The following GCGR variants were observed in gnomAD, a reference collection of about 807,000 sequenced individuals.
GCGR encodes the protein glucagon receptor.
A neutral mutation model predicts 56.1 loss-of-function variants in GCGR; 41 were observed. The observed-to-expected ratio is 0.73, with a 90% CI of 0.57 to 0.95. The LOEUF is 0.95. Ranked by LOEUF, GCGR falls within the 40% of genes least tolerant of loss-of-function variation. GCGR has a pLI of 0.00. For synonymous variants in GCGR, 278 were observed against 271.1 expected (o/e 1.03, Z -0.25); for missense variants, 595 against 638.2 (o/e 0.93, Z 0.73).
rs910638796 is a variant in GCGR, at chr17:81,813,958, C to T, written c.*269C>T. 4.0e-5 allele frequency: 21 copies of T among 520,826 alleles called. No homozygotes were observed. The highest frequency in any genetic ancestry group is 2.8e-4 in the South Asian group (11 of 39,322). 32.3% of individuals were successfully genotyped at this position (520,826 alleles called of 1,614,324 possible). On this transcript the variant is annotated 3_prime_UTR_variant, in exon 14 of 14. Transcript: ENST00000400723. The surrounding 1 kb of genome is among the most constrained non-coding windows in gnomAD (Gnocchi z 5.3). ...GCCAGTGTCCCCACGTATGTCGGCA[C>T]GTCCCATGTGCATGGAAATGTCCTC...
In GCGR at chr17:81,810,950, G is replaced by C. The variant is rs2038080732; in HGVS notation, c.271+18G>C. On this transcript the variant is annotated intron_variant, in intron 4 of 13. Transcript: ENST00000400723. This position sits in a 1 kb window ranked among gnomAD's most constrained non-coding sequence, Gnocchi z 4.6. Reference sequence around the variant, plus strand: ...CCACAAAGGTACCCATAGAGGGGAGGAACTGTGGGGGGGGCGGGCCCAGGG... The same window carrying C: ...CCACAAAGGTACCCATAGAGGGGAGCAACTGTGGGGGGGGCGGGCCCAGGG... 3 of 1,241,874 alleles carry C rather than the reference G, an allele frequency of 2.4e-6. No homozygotes were observed. In the East Asian group the frequency reaches 1.0e-4, roughly 41 times the overall value. 76.9% of individuals were successfully genotyped at this position (1,241,874 alleles called of 1,614,324 possible). A position where few individuals can be genotyped will look rare whatever the true frequency, so the allele number is the denominator to read the frequency against.
In GCGR at chr17:81,812,462, C is replaced by T. The variant is rs1237117409; in HGVS notation, c.949-115C>T. ...CCACCAGCCCCAGGGCTATGTGGCC[C>T]AGGGCCTATCTTGCTGCCAGGCCCA... On this transcript the variant is annotated intron_variant, in intron 10 of 13. Transcript: ENST00000400723. The surrounding 1 kb of genome is among the most constrained non-coding windows in gnomAD (Gnocchi z 8.5). 8.9e-7 allele frequency: 1 copy of T among 1,128,680 alleles called. No individual in the cohort carries two copies. Among genetic ancestry groups the T allele is most frequent in the Non-Finnish European group, 1.3e-6 (1 of 796,680 alleles). 69.9% of individuals were successfully genotyped at this position (1,128,680 alleles called of 1,614,324 possible).
chr17:81,805,840 C>T (rs905560146), intron 1 of GCGR, among the ~76,000 whole-genome samples: 7 of 152,144 alleles, frequency 4.6e-5, no homozygotes, highest in African/African-American at 9.7e-5. Flanking sequence ...AAGGGTAATA[C>T]GGAGCACTGT....
rs920956305 is a variant in GCGR at position 81,804,692 on chromosome 17, A to C, written c.-178+443A>C. ...CTCCCCTCGGTGGGCTCCTGCCCCG[A>C]GGACTGCCCGGTGGCACCGGCGCGG... On this transcript the variant is annotated intron_variant, in intron 1 of 13. Transcript: ENST00000400723. This position sits in a 1 kb window ranked among gnomAD's most constrained non-coding sequence, Gnocchi z 8.2. Among the ~76,000 whole-genome samples the C allele has an allele frequency of 6.6e-6, 1 of 151,784 alleles. No homozygotes were observed. The highest frequency in any genetic ancestry group is 1.5e-5 in the Non-Finnish European group (1 of 67,890).
At position 81,812,555 on chromosome 17, in the gene GCGR, G is replaced by A. The variant is rs1186038862; in HGVS notation, c.949-22G>A. The A allele has an allele frequency of 6.5e-7, 1 of 1,532,780 alleles. No homozygotes were observed. The highest frequency in any genetic ancestry group is 1.4e-5 in the African/African-American group (1 of 72,846). The allele number at this position is 1,532,780 out of a possible 1,614,324, so 94.9% of individuals were successfully genotyped here. ...GTTCCCTGGGGCTCGGGATGCCCCT[G>A]ACTCGCACCCTTCTCACACAGATCA... is the stretch of plus-strand genomic sequence containing the variant. On this transcript the variant is annotated intron_variant, in intron 10 of 13. Coordinates refer to ENST00000400723, the MANE Select transcript of GCGR (RefSeq NM_000160.5). The surrounding 1 kb of genome is among the most constrained non-coding windows in gnomAD (Gnocchi z 8.5).
chr17:81,812,062 G>T lies in GCGR; in HGVS notation c.878+116G>T. On this transcript the variant is annotated intron_variant, in intron 9 of 13. Transcript: ENST00000400723. This position sits in a 1 kb window ranked among gnomAD's most constrained non-coding sequence, Gnocchi z 8.5. ...CTGGTGCCTGGGGAGGGGGTCATTTGTGACCTTCTCCCTTCCTTTTCTGAG... is the reference window on the plus strand; with the variant it reads ...CTGGTGCCTGGGGAGGGGGTCATTTTTGACCTTCTCCCTTCCTTTTCTGAG... 6.6e-7 allele frequency: 1 copy of T among 1,505,688 alleles called. No individual in the cohort carries two copies. The highest frequency in any genetic ancestry group is 8.9e-7 in the Non-Finnish European group (1 of 1,120,094). 93.3% of individuals were successfully genotyped at this position (1,505,688 alleles called of 1,614,324 possible).
chr17:81,809,739 C>G, intron 2 of GCGR, 43 bp from the exon 3 acceptor site: 1 of 1,360,974 alleles, frequency 7.3e-7, no homozygotes, highest in Non-Finnish European at 1.0e-6. Flanking sequence ...GTCTGCCTGC[C>G]TGTCTGTCTG....
chr17:81,807,426 C>T (rs1190146351), intron 1 of GCGR, among the ~76,000 whole-genome samples: 1 of 152,206 alleles, frequency 6.6e-6, no homozygotes, highest in African/African-American at 2.4e-5. Flanking sequence ...GCCCCGTTAG[C>T]GGGGCAGCCC....
rs1263604642 is a variant in GCGR at position 81,812,999 on chromosome 17, C to T, written c.1177-17C>T. 1 of 1,536,284 alleles carries T rather than the reference C, an allele frequency of 6.5e-7. No homozygotes were observed. Among genetic ancestry groups the T allele is most frequent in the Non-Finnish European group, 8.7e-7 (1 of 1,146,792 alleles). Reference sequence around the variant, plus strand: ...CCGGGGCGCAGTGTGCCACCCCTGACCACCCTGTCTCTCCAGGGCCTGCTG... The same window carrying T: ...CCGGGGCGCAGTGTGCCACCCCTGATCACCCTGTCTCTCCAGGGCCTGCTG... On this transcript the variant is annotated splice_polypyrimidine_tract_variant and intron_variant, in intron 12 of 13. Coordinates refer to ENST00000400723, the MANE Select transcript of GCGR (RefSeq NM_000160.5). This position sits in a 1 kb window ranked among gnomAD's most constrained non-coding sequence, Gnocchi z 8.5.
Position 81,813,266 on chromosome 17 carries a change from CGGTGTCCACCG to C in GCGR, c.1219-207_1219-197del, listed in dbSNP as rs2038141215. On this transcript the variant is annotated intron_variant, in intron 13 of 13. Coordinates refer to ENST00000400723, the MANE Select transcript of GCGR (RefSeq NM_000160.5). The surrounding 1 kb of genome is among the most constrained non-coding windows in gnomAD (Gnocchi z 5.3). ...CAGGTTGGCCTCAGCCCCATCGCTA[CGGTGTCCACCG>C]TGGGGGTCCCCAGGTGTCTGCAGAC... Among the ~76,000 whole-genome samples, 1 of 152,186 alleles carries C rather than the reference CGGTGTCCACCG, an allele frequency of 6.6e-6. No homozygotes were observed. The highest frequency in any genetic ancestry group is 1.5e-5 in the Non-Finnish European group (1 of 68,016).
chr17:81,811,818 G>A lies in GCGR; in HGVS notation c.817+8G>A. On this transcript the variant is annotated splice_region_variant and intron_variant, in intron 8 of 13. Transcript: ENST00000400723. This position sits in a 1 kb window ranked among gnomAD's most constrained non-coding sequence, Gnocchi z 5.8. Reference sequence around the variant, plus strand: ...ACCTGGGCATCGGCTGGGGTGAGTGGGCTGGCATGAGAGGGGGTTAAGGCA... The same window carrying A: ...ACCTGGGCATCGGCTGGGGTGAGTGAGCTGGCATGAGAGGGGGTTAAGGCA... 2 of 1,536,898 alleles carry A rather than the reference G, an allele frequency of 1.3e-6. No individual in the cohort carries two copies. Among genetic ancestry groups the A allele is most frequent in the Non-Finnish European group, 1.7e-6 (2 of 1,146,830 alleles).
chr17:81,813,473 G>A lies in GCGR; in HGVS notation c.1219-1G>A, dbSNP rs945769149. 9.8e-6 allele frequency: 15 copies of A among 1,534,656 alleles called. No individual in the cohort carries two copies. Among genetic ancestry groups the A allele is most frequent in the Non-Finnish European group, 1.1e-5 (13 of 1,146,636 alleles). On this transcript the variant is annotated splice_acceptor_variant, in intron 13 of 13. Coordinates refer to ENST00000400723, the MANE Select transcript of GCGR (RefSeq NM_000160.5). LOFTEE classifies it high-confidence loss of function. This position sits in a 1 kb window ranked among gnomAD's most constrained non-coding sequence, Gnocchi z 5.3. The stretch of plus-strand genomic sequence containing the variant: ...CTGGCCTGCCCCGTCCCCCTCCCCA[G>A]GTGCAGTCGGAGCTGCGGCGGCGTT...
In GCGR at chr17:81,810,671, G is replaced by A. The variant is rs1315756494; in HGVS notation, c.164-154G>A. Reference sequence around the variant, plus strand: ...AAGGTGGAGGTCAGATGGGGGAGGTGGAGGTCAAGTGGGGGAGGGAGCAGC... The same window carrying A: ...AAGGTGGAGGTCAGATGGGGGAGGTAGAGGTCAAGTGGGGGAGGGAGCAGC... On this transcript the variant is annotated intron_variant, in intron 3 of 13. Transcript: ENST00000400723. The surrounding 1 kb of genome is among the most constrained non-coding windows in gnomAD (Gnocchi z 4.6). Among the ~76,000 whole-genome samples, 1 of 151,958 alleles carries A rather than the reference G, an allele frequency of 6.6e-6. No homozygotes were observed. The highest frequency in any genetic ancestry group is 2.4e-5 in the African/African-American group (1 of 41,340).
In GCGR at chr17:81,810,868, G is replaced by T. The variant is rs1256218221; in HGVS notation, c.207G>T (p.Pro69=). ...CCTTCGACAAGTATTCCTGCTGGCC[G>T]GACACCCCCGCCAATACCACGGCCA... The part of the protein sequence containing the change: ...NRTFDKYSCW[P]DTPANTTANI... The change falls in exon 4 of 14, where the codon CCG becomes CCT. Residue 69 remains proline, a synonymous_variant. Transcript: ENST00000400723. The surrounding 1 kb of genome is among the most constrained non-coding windows in gnomAD (Gnocchi z 4.6). 1.3e-6 allele frequency: 2 copies of T among 1,536,140 alleles called. No individual in the cohort carries two copies. Among genetic ancestry groups the T allele is most frequent in the Non-Finnish European group, 1.7e-6 (2 of 1,146,780 alleles).
chr17:81,809,702 CCTGTCTGCCTGTCTGTCTGCCTGT>C (rs878966307), intron 2 of GCGR, 56 bp from the exon 3 acceptor site: 15 of 973,270 alleles, frequency 1.5e-5, no homozygotes, highest in African/African-American at 1.0e-4. Flanking sequence ...TACCTGCCTG[CCTGTCTGCCTGTCTGTCTGCCTGT>C]CTGTCTGCCT....
chr17:81,813,405 C>A lies in GCGR; in HGVS notation c.1219-69C>A. 1.4e-6 allele frequency: 2 copies of A among 1,422,238 alleles called. No individual in the cohort carries two copies. Among genetic ancestry groups the A allele is most frequent in the Non-Finnish European group, 9.5e-7 (1 of 1,050,504 alleles). 88.1% of individuals were successfully genotyped at this position (1,422,238 alleles called of 1,614,324 possible). A position where few individuals can be genotyped will look rare whatever the true frequency, so the allele number is the denominator to read the frequency against. On this transcript the variant is annotated intron_variant, in intron 13 of 13. Coordinates refer to ENST00000400723, the MANE Select transcript of GCGR (RefSeq NM_000160.5). This position sits in a 1 kb window ranked among gnomAD's most constrained non-coding sequence, Gnocchi z 5.3. ...GACTGGGCATCTCCGATGAGGCCCACAGCAGGTCCCGGTGGGGTGGAGAGG... is the reference window on the plus strand; with the variant it reads ...GACTGGGCATCTCCGATGAGGCCCAAAGCAGGTCCCGGTGGGGTGGAGAGG...
Position 81,810,845 on chromosome 17 carries a change from T to G in GCGR, c.184T>G (p.Phe62Val). 1 of 1,534,438 alleles carries G rather than the reference T, an allele frequency of 6.5e-7. No individual in the cohort carries two copies. The highest frequency in any genetic ancestry group is 8.7e-7 in the Non-Finnish European group (1 of 1,145,562). The change falls in exon 4 of 14, where the codon TTC becomes GTC. Residue 62 changes from phenylalanine to valine, a missense_variant. By Grantham distance (50) the Phe-to-Val change is conservative (BLOSUM62 -1). Transcript: ENST00000400723. The surrounding 1 kb of genome is among the most constrained non-coding windows in gnomAD (Gnocchi z 4.6). ...TGCAGAGCTGGTGTGCAACAGAACC[T>G]TCGACAAGTATTCCTGCTGGCCGGA... Reference protein sequence around the residue: ...PPTELVCNRTFDKYSCWPDTP... With the variant: ...PPTELVCNRTVDKYSCWPDTP...
chr17:81,809,681 G>A, intron 2 of GCGR, 101 bp from the exon 3 acceptor site: 1 of 846,132 alleles, frequency 1.2e-6, no homozygotes, highest in Non-Finnish European at 1.9e-6. Flanking sequence ...CTGTCCATCT[G>A]CCTATCCATC....
intron 1 of GCGR, among the ~76,000 whole-genome samples, chr17:81,805,996 G>A (rs1035373997): frequency 3.9e-5 from 6 of 152,168 alleles, no homozygotes; most frequent in African/African-American, 1.2e-4. Flanking sequence ...ATCAACAGAG[G>A]AGCCTCCCTT....
Sources: gnomAD v4.1 joint callset for allele counts (sites outside exome capture counted in the v4.1 genomes callset) on GRCh38, gnomAD v4.1.1 for gene constraint, Gnocchi (gnomAD v3.1) non-coding constraint, MANE v1.5 for transcripts, NCBI Gene and HGNC (gene_info 2026-07-23, HGNC 2026-07-21) for gene names.